Variants in PLXNA4 observed in about 807,000 individuals in gnomAD.
The protein encoded by PLXNA4 is plexin A4.
In PLXNA4, 44 loss-of-function variants were observed where a neutral mutation model predicts 191.8. The observed-to-expected ratio is 0.23, with a 90% confidence interval of 0.18 to 0.29. The LOEUF is 0.29. Among genes scored for constraint, PLXNA4 ranks in the 10% least tolerant of loss-of-function variants. The pLI is 1.00. For synonymous variants in PLXNA4, 1,082 were observed against 1,009.5 expected, an observed-to-expected ratio of 1.07 and a Z score of -1.36; for missense variants, 1,800 against 2,488.8, an observed-to-expected ratio of 0.72 and a Z score of 5.89.
chr7:132,321,807 G>A (rs1563033982), intron 3 of PLXNA4, among the ~76,000 whole-genome samples: 1 of 152,196 alleles, frequency 6.6e-6, no homozygotes, highest in African/African-American at 2.4e-5. Flanking sequence ...TGGGGAGCCT[G>A]TATGCGGGTG....
chr7:132,377,710 G>C (rs1254850045), intron 3 of PLXNA4, among the ~76,000 whole-genome samples: 1 of 152,178 alleles, frequency 6.6e-6, no homozygotes, highest in African/African-American at 2.4e-5. Context: ...CAACTCAGTA[G>C]ATAGGTTCTG....
chr7:132,205,209 T>A (rs1047219827), intron 10 of PLXNA4, among the ~76,000 whole-genome samples: 5 of 152,100 alleles, frequency 3.3e-5, no homozygotes. Flanking sequence ...GGTCCTAAGT[T>A]GTCCTGAAAA....
intron 3 of PLXNA4, among the ~76,000 whole-genome samples, chr7:132,338,568 A>G (rs1331697594): frequency 1.3e-5 from 2 of 152,234 alleles, no homozygotes; most frequent in Admixed American, 6.5e-5. Flanking sequence ...ATATTTACAC[A>G]GTGATTAACA....
At chr7:132,188,050 G>A (rs553419827) in intron 14 of PLXNA4, among the ~76,000 whole-genome samples, 57 of 151,872 alleles carry the variant, frequency 3.8e-4, no homozygotes, top group African/African-American at 1.3e-3. Context: ...TCTTACCCCA[G>A]AGCTCCAGTT....
intron 3 of PLXNA4, among the ~76,000 whole-genome samples, chr7:132,334,425 T>A (rs1585005473): frequency 6.6e-6 from 1 of 151,732 alleles, no homozygotes; most frequent in African/African-American, 2.4e-5. Flanking sequence ...ACCCAGCTAA[T>A]TTTTTTATTT....
chr7:132,221,961 A>G lies in PLXNA4; in HGVS notation c.2097+1566T>C, dbSNP rs1210171723. Among the ~76,000 whole-genome samples, 5 of 152,204 alleles carry G rather than the reference A, an allele frequency of 3.3e-5. No individual in the cohort carries two copies. The East Asian group carries it at 9.6e-4, about 29-fold the overall frequency. On this transcript the variant is annotated intron_variant, in intron 9 of 31. Transcript: ENST00000321063. The stretch of plus-strand genomic sequence containing the variant: ...AGTGTATCTAGCAAAGGTTTTATCT[A>G]GCAAGGAGGTCCAAGAATAAAATGC...
chr7:132,265,839 C>G (rs1799831713), intron 4 of PLXNA4, among the ~76,000 whole-genome samples: 1 of 152,088 alleles, frequency 6.6e-6, no homozygotes, highest in Admixed American at 6.5e-5. Context: ...GGATGGGGGT[C>G]CCAAAGGGCT....
At chr7:132,138,122 T>C (rs1795166440) in intron 30 of PLXNA4, among the ~76,000 whole-genome samples, 1 of 152,218 alleles carries the variant, frequency 6.6e-6, no homozygotes, top group Admixed American at 6.5e-5. Flanking sequence ...TGAATTTATA[T>C]GCTTCCCTTT....
At chr7:132,458,210 C>T (rs1480607295) in intron 3 of PLXNA4, among the ~76,000 whole-genome samples, 2 of 151,926 alleles carry the variant, frequency 1.3e-5, no homozygotes, top group Non-Finnish European at 2.9e-5. Context: ...TATTAACCAG[C>T]CTACTAGAAC....
intron 2 of PLXNA4, among the ~76,000 whole-genome samples, chr7:132,584,442 A>G (rs993306001): frequency 1.3e-5 from 2 of 152,110 alleles, no homozygotes; most frequent in Admixed American, 1.3e-4. Context: ...TCCACCTCAA[A>G]CTTAAGATTA....
At chr7:132,187,647 G>C (rs763403667) in intron 14 of PLXNA4, 40 bp from the exon 15 acceptor site, 1 of 1,573,866 alleles carries the variant, frequency 6.4e-7, no homozygotes. Flanking sequence ...AACCAGGAAG[G>C]GGTGGAGGAG....
At chr7:132,636,921 G>T (rs186367384) in intron 2 of PLXNA4, among the ~76,000 whole-genome samples, 1 of 152,170 alleles carries the variant, frequency 6.6e-6, no homozygotes. Flanking sequence ...AGGAGGTGGG[G>T]AGGTGGGAAG....
intron 2 of PLXNA4, among the ~76,000 whole-genome samples, chr7:132,597,605 ATT>A (rs1802736636): frequency 6.6e-6 from 1 of 151,952 alleles, no homozygotes; most frequent in African/African-American, 2.4e-5. Context: ...TCATTCATTC[ATT>A]CATGTATTTA....
At position 132,370,023 on chromosome 7, in the gene PLXNA4, G is replaced by T. The variant is rs139101515; in HGVS notation, c.1372-71801C>A. On this transcript the variant is annotated intron_variant, in intron 3 of 31. Coordinates refer to ENST00000321063, the MANE Select transcript of PLXNA4 (RefSeq NM_020911.2). The stretch of plus-strand genomic sequence containing the variant: ...GCAGAGATTGCAGTGAGCCAAGATC[G>T]CACCACTGCACTCCAGCCTGAGCGA... 7.5e-3 allele frequency among the ~76,000 whole-genome samples: 1,103 copies of T among 147,648 alleles called. 27 individuals carry two copies. Among genetic ancestry groups the T allele is most frequent in the Non-Finnish European group, 6.4e-3 (430 of 67,568 alleles).
intron 13 of PLXNA4, among the ~76,000 whole-genome samples, chr7:132,195,114 C>A (rs1797214684): frequency 6.6e-6 from 1 of 152,080 alleles, no homozygotes; most frequent in African/African-American, 2.4e-5. Context: ...CACACATGAA[C>A]ATAAATGTGT....
intron 4 of PLXNA4, among the ~76,000 whole-genome samples, chr7:132,255,865 G>C (rs2116193067): frequency 6.6e-6 from 1 of 152,384 alleles, no homozygotes; most frequent in East Asian, 1.9e-4. Flanking sequence ...ACCCCAGCAA[G>C]TAAGTTTTAT....
Position 132,269,988 on chromosome 7 carries a change from A to G in PLXNA4, c.1503+28103T>C, listed in dbSNP as rs772172624. Among the ~76,000 whole-genome samples the G allele has an allele frequency of 9.8e-5, 15 of 152,302 alleles. No individual in the cohort carries two copies. In the South Asian group the frequency reaches 2.5e-3, roughly 25 times the overall value. Reference sequence around the variant, plus strand: ...TGCTTGAGGGATTGACAGGAATAATAAAAAACACCAGCATGCTCAGAATCC... The same window carrying G: ...TGCTTGAGGGATTGACAGGAATAATGAAAAACACCAGCATGCTCAGAATCC... On this transcript the variant is annotated intron_variant, in intron 4 of 31. Coordinates refer to ENST00000321063, the MANE Select transcript of PLXNA4 (RefSeq NM_020911.2).
At chr7:132,632,158 C>A (rs1563199470) in intron 2 of PLXNA4, among the ~76,000 whole-genome samples, 1 of 149,510 alleles carries the variant, frequency 6.7e-6, no homozygotes. Flanking sequence ...ATTACTTGAA[C>A]CCGGGAGGCG....
intron 3 of PLXNA4, among the ~76,000 whole-genome samples, chr7:132,471,924 C>T (rs921893805): frequency 1.3e-5 from 2 of 152,186 alleles, no homozygotes; most frequent in Non-Finnish European, 2.9e-5. Context: ...AAAAATACAT[C>T]GAGTGTGCTT....
Sources: gnomAD v4.1 joint callset for allele counts (sites outside exome capture counted in the v4.1 genomes callset) on GRCh38, gnomAD v4.1.1 for gene constraint, MANE v1.5 for transcripts, NCBI Gene and HGNC (gene_info 2026-07-23, HGNC 2026-07-21) for gene names.